The following TBCK variants were observed in gnomAD, a reference collection of about 807,000 sequenced individuals.
TBCK encodes the protein TBC domain-containing protein kinase-like protein.
TBCK carries 99 observed loss-of-function variants against 113.4 expected under a neutral mutation model. That is an observed-to-expected ratio of 0.87 (90% confidence interval 0.74 to 1.03). The LOEUF (loss-of-function observed/expected upper bound fraction) is 1.03. Among genes scored for constraint, TBCK ranks in the 50% least tolerant of loss-of-function variants. TBCK has a pLI of 0.00. For synonymous variants in TBCK, 369 were observed against 370.8 expected (o/e 1.00, Z 0.05); for missense variants, 1,045 against 1,061.3 (o/e 0.98, Z 0.21).
intron 24 of TBCK, 91 bp downstream of exon 24, chr4:106,116,112 A>T (rs1424209352): frequency 9.8e-7 from 1 of 1,021,554 alleles, no homozygotes; most frequent in Non-Finnish European, 1.4e-6. Context: ...GAATCCCAGA[A>T]TTTTTTTTTT....
At chr4:106,128,721 T>C (rs987862093) in intron 23 of TBCK, among the ~76,000 whole-genome samples, 2 of 152,168 alleles carry the variant, frequency 1.3e-5, no homozygotes, top group Non-Finnish European at 2.9e-5. Context: ...GTAATGTATA[T>C]AAGTATAATC....
intron 23 of TBCK, among the ~76,000 whole-genome samples, chr4:106,166,383 T>C (rs1038545541): frequency 1.3e-5 from 2 of 151,828 alleles, no homozygotes; most frequent in Non-Finnish European, 3.0e-5. Context: ...TCAGACAAGT[T>C]TCCTCAATTT....
At chr4:106,111,850 G>C (rs1169568108) in intron 24 of TBCK, among the ~76,000 whole-genome samples, 6 of 152,260 alleles carry the variant, frequency 3.9e-5, no homozygotes, top group Admixed American at 3.3e-4. Context: ...GAAATTACTA[G>C]GTAATATTAA....
chr4:106,049,957 T>C (rs1302729650), intron 25 of TBCK, among the ~76,000 whole-genome samples: 1 of 152,014 alleles, frequency 6.6e-6, no homozygotes, highest in African/African-American at 2.4e-5. Context: ...GATAATGGGA[T>C]TCATTTGCAG....
At chr4:106,230,070 G>A (rs565936379) in intron 19 of TBCK, among the ~76,000 whole-genome samples, 1 of 152,024 alleles carries the variant, frequency 6.6e-6, no homozygotes, top group Admixed American at 6.6e-5. Context: ...GAAGCTTTTT[G>A]TGAGCAATTT....
intron 2 of TBCK, among the ~76,000 whole-genome samples, chr4:106,295,960 T>C (rs1766256569): frequency 6.6e-6 from 1 of 152,148 alleles, no homozygotes; most frequent in Non-Finnish European, 1.5e-5. Flanking sequence ...AAAAAATGCA[T>C]ATTTAAGTGG....
chr4:106,081,399 C>A (rs1738859276), intron 25 of TBCK, among the ~76,000 whole-genome samples: 1 of 152,070 alleles, frequency 6.6e-6, no homozygotes, highest in Non-Finnish European at 1.5e-5. Flanking sequence ...AGCTGTTATC[C>A]TCAGCAAACT....
At chr4:106,136,681 T>C (rs1402686989) in intron 23 of TBCK, among the ~76,000 whole-genome samples, 1 of 141,020 alleles carries the variant, frequency 7.1e-6, no homozygotes, top group African/African-American at 2.5e-5. Context: ...AGCATCCTAT[T>C]TTAATTTGAA....
At chr4:106,082,474 C>G (rs907747193) in intron 25 of TBCK, among the ~76,000 whole-genome samples, 1 of 151,974 alleles carries the variant, frequency 6.6e-6, no homozygotes, top group Admixed American at 6.6e-5. Context: ...GTTTTTAGGG[C>G]TACCTGTCAG....
chr4:106,108,832 A>G (rs1742495289), intron 24 of TBCK, among the ~76,000 whole-genome samples: 1 of 152,170 alleles, frequency 6.6e-6, no homozygotes, highest in Non-Finnish European at 1.5e-5. Flanking sequence ...TCTGTAGATG[A>G]CATGATTCTA....
At chr4:106,204,590 CTT>C (rs1755238295) in intron 20 of TBCK, among the ~76,000 whole-genome samples, 2 of 152,042 alleles carry the variant, frequency 1.3e-5, no homozygotes, top group South Asian at 2.1e-4. Flanking sequence ...TTAAATATCT[CTT>C]TTAAAATTTG....
intron 12 of TBCK, chr4:106,237,384 C>A: frequency 1.1e-5 from 4 of 364,696 alleles, no homozygotes; most frequent in South Asian, 2.1e-5. Context: ...AAATAACAAC[C>A]CTGACAGGAT....
intron 24 of TBCK, among the ~76,000 whole-genome samples, chr4:106,114,174 C>A (rs940665708): frequency 1.3e-5 from 2 of 152,120 alleles, no homozygotes; most frequent in Admixed American, 6.5e-5. Flanking sequence ...ATGCTAAAAA[C>A]AGAAAAGGGG....
At chr4:106,086,612 G>A (rs187050467) in intron 25 of TBCK, among the ~76,000 whole-genome samples, 52 of 152,122 alleles carry the variant, frequency 3.4e-4, no homozygotes, top group African/African-American at 1.2e-3. Context: ...TATCAAAACC[G>A]GGAAGAGACA....
At chr4:106,047,056 T>G (rs901231928) in intron 25 of TBCK, among the ~76,000 whole-genome samples, 10 of 152,194 alleles carry the variant, frequency 6.6e-5, no homozygotes, top group African/African-American at 2.4e-4. Flanking sequence ...TTAGGTATTC[T>G]TCCAGTAATA....
chr4:106,308,540 G>T (rs1157840609), intron 2 of TBCK, among the ~76,000 whole-genome samples: 1 of 152,144 alleles, frequency 6.6e-6, no homozygotes, highest in Non-Finnish European at 1.5e-5. Flanking sequence ...CTAGATGAAG[G>T]ATTTTGTATG....
At chr4:106,295,193 T>A (rs756543251) in intron 2 of TBCK, 27 bp from the exon 3 acceptor site, 2 of 1,605,512 alleles carry the variant, frequency 1.2e-6, no homozygotes, top group South Asian at 2.2e-5. Flanking sequence ...AAACCCATGT[T>A]ATATTTTATC....
chr4:106,252,634 T>C (rs539207337), intron 5 of TBCK, among the ~76,000 whole-genome samples: 2 of 152,190 alleles, frequency 1.3e-5, no homozygotes, highest in African/African-American at 4.8e-5. Context: ...TCCCAATAAT[T>C]TCATTGATGT....
At chr4:106,129,888 A>G (rs1745672194) in intron 23 of TBCK, among the ~76,000 whole-genome samples, 1 of 152,184 alleles carries the variant, frequency 6.6e-6, no homozygotes. Context: ...GGGTACAGAC[A>G]ATAGGAAGAG....
Sources: gnomAD v4.1 joint callset for allele counts (sites outside exome capture counted in the v4.1 genomes callset) on GRCh38, gnomAD v4.1.1 for gene constraint, MANE v1.5 for transcripts, NCBI Gene and HGNC (gene_info 2026-07-23, HGNC 2026-07-21) for gene names.